PM20D2: variants seen among roughly 807,000 people sequenced by gnomAD.
PM20D2 encodes the protein peptidase M20 domain containing 2, also known as xaa-Arg dipeptidase.
Under a neutral mutation model 42.9 loss-of-function variants are expected in PM20D2, and 33 were observed. The ratio of observed to expected loss-of-function variants is 0.77; its 90% CI spans 0.58 to 1.03. PM20D2 has a LOEUF of 1.03. PM20D2 is among the 50% of genes least tolerant of loss of function. The pLI, the probability that PM20D2 is intolerant of heterozygous loss-of-function variation, is 0.00. For missense variants in PM20D2, 548 were observed against 557.0 expected, an observed-to-expected ratio of 0.98 and a Z score of 0.16; for synonymous variants, 250 against 228.2, an observed-to-expected ratio of 1.10 and a Z score of -0.86.
chr6:89,149,137 A>G, intron 1 of PM20D2, 128 bp from the exon 2 acceptor site: 1 of 1,185,962 alleles, frequency 8.4e-7, no homozygotes, highest in South Asian at 1.6e-5. Flanking sequence ...TAAGCGTCAT[A>G]GAACAAAACC....
the PM20D2 span, among the ~76,000 whole-genome samples, chr6:89,135,225 G>T: frequency 6.6e-6 from 1 of 151,138 alleles, no homozygotes; most frequent in Admixed American, 6.6e-5. Flanking sequence ...CATAATTTTT[G>T]ATCACCTCTT....
At position 89,163,467 on chromosome 6, in the gene PM20D2, A is replaced by G. The variant is rs2127783663; in HGVS notation, c.*1204A>G. On this transcript the variant is annotated 3_prime_UTR_variant, in exon 7 of 7. Transcript: ENST00000275072. The stretch of plus-strand genomic sequence containing the variant: ...AAAGTGTTGGGATTTCAGGTATGAG[A>G]CACCACACCTGCCCATTTTTGTTTG... 6.6e-6 allele frequency: 1 copy of G among 152,100 alleles called. No individual in the cohort carries two copies. Among genetic ancestry groups the G allele is most frequent in the African/African-American group, 2.4e-5 (1 of 41,480 alleles). The allele number at this position is 152,100 out of a possible 1,614,324, so 9.4% of individuals were successfully genotyped here. A position where few individuals can be genotyped will look rare whatever the true frequency, so the allele number is the denominator to read the frequency against.
At chr6:89,100,295 A>G in the PM20D2 span, among the ~76,000 whole-genome samples, 7 of 152,344 alleles carry the variant, frequency 4.6e-5, no homozygotes, top group Admixed American at 2.0e-4. Flanking sequence ...CAAAAGGTCA[A>G]TGAGGAACAT....
At chr6:89,110,985 G>T in the PM20D2 span, among the ~76,000 whole-genome samples, 1 of 152,038 alleles carries the variant, frequency 6.6e-6, no homozygotes, top group Non-Finnish European at 1.5e-5. Flanking sequence ...TGGGCGTGGT[G>T]TCTATAATCC....
At chr6:89,108,420 G>C in the PM20D2 span, among the ~76,000 whole-genome samples, 1 of 152,192 alleles carries the variant, frequency 6.6e-6, no homozygotes, top group Non-Finnish European at 1.5e-5. Flanking sequence ...AGGTGATACA[G>C]ACAGAGTAAC....
intron 2 of PM20D2, among the ~76,000 whole-genome samples, chr6:89,149,880 T>C (rs1256740527): frequency 2.0e-5 from 3 of 152,202 alleles, no homozygotes; most frequent in Non-Finnish European, 4.4e-5. Flanking sequence ...TAGCTATGGT[T>C]TTTGTGGAAC....
chr6:89,161,826 TCATC>T lies in PM20D2; in HGVS notation c.1096_1099del (p.Pro366IlefsTer9), dbSNP rs753639370. ...ATGTTAGTTTTGTGGTTCCTGGAAT[TCATC>T]CATATTTTCACATTGGATCTAATGC... On this transcript the variant is annotated frameshift_variant, in exon 6 of 7. Coordinates refer to ENST00000275072, the MANE Select transcript of PM20D2 (RefSeq NM_001010853.3). LOFTEE classifies it high-confidence loss of function. 6.2e-7 allele frequency: 1 copy of T among 1,613,780 alleles called. No individual in the cohort carries two copies. The highest frequency in any genetic ancestry group is 1.1e-5 in the South Asian group (1 of 91,072).
the PM20D2 span, among the ~76,000 whole-genome samples, chr6:89,128,976 T>G: frequency 6.6e-6 from 1 of 151,838 alleles, no homozygotes; most frequent in Admixed American, 6.6e-5. Context: ...AAGAAAGCAA[T>G]CAACAATATC....
chr6:89,128,231 A>C, the PM20D2 span, among the ~76,000 whole-genome samples: 1 of 152,126 alleles, frequency 6.6e-6, no homozygotes, highest in Non-Finnish European at 1.5e-5. Context: ...TAATATTAAT[A>C]CCCTTGGAAA....
At chr6:89,114,452 A>C in the PM20D2 span, among the ~76,000 whole-genome samples, 1 of 152,166 alleles carries the variant, frequency 6.6e-6, no homozygotes, top group Non-Finnish European at 1.5e-5. Flanking sequence ...AAACAAAAAA[A>C]CCACCATACA....
the PM20D2 span, among the ~76,000 whole-genome samples, chr6:89,103,614 A>T: frequency 1.3e-5 from 2 of 152,134 alleles, no homozygotes; most frequent in African/African-American, 4.8e-5. Flanking sequence ...TACAGGCGTA[A>T]GCCACTGCGC....
Position 89,162,429 on chromosome 6 carries a change from A to G in PM20D2, c.*166A>G. On this transcript the variant is annotated 3_prime_UTR_variant, in exon 7 of 7. Coordinates refer to ENST00000275072, the MANE Select transcript of PM20D2 (RefSeq NM_001010853.3). ...AACATATTAATTACCTCATATCTAA[A>G]GTGAAAATTTTTGCAAATCCGTACT... is the stretch of plus-strand genomic sequence containing the variant. 3 of 717,596 alleles carry G rather than the reference A, an allele frequency of 4.2e-6. No individual in the cohort carries two copies. Among genetic ancestry groups the G allele is most frequent in the Non-Finnish European group, 6.4e-6 (3 of 471,536 alleles). 44.5% of individuals were successfully genotyped at this position (717,596 alleles called of 1,614,324 possible).
the PM20D2 span, among the ~76,000 whole-genome samples, chr6:89,109,629 G>C: frequency 0.063 from 9,564 of 152,276 alleles, 873 homozygotes; most frequent in African/African-American, 0.2. Flanking sequence ...TGGAAGCCAA[G>C]GGTGATGGGA....
chr6:89,095,947 A>T, the PM20D2 span: 2 of 152,226 alleles, frequency 1.3e-5, no homozygotes, highest in Non-Finnish European at 2.9e-5. Context: ...AAAAGAACTG[A>T]TCACAGATGT....
intron 6 of PM20D2, 22 bp downstream of exon 6, chr6:89,161,912 T>C (rs773818520): frequency 1.3e-6 from 2 of 1,570,476 alleles, no homozygotes; most frequent in Admixed American, 3.3e-5. Flanking sequence ...TGGATGTGAC[T>C]GTTTTGGCAC....
At chr6:89,114,890 G>T in the PM20D2 span, among the ~76,000 whole-genome samples, 4 of 151,926 alleles carry the variant, frequency 2.6e-5, no homozygotes, top group South Asian at 2.1e-4. Context: ...TCCACCTCCC[G>T]GGTTCAAGCG....
chr6:89,130,819 C>CCTTTTTTTTTTTTTTTTTT, the PM20D2 span, among the ~76,000 whole-genome samples: 3 of 24,056 alleles, frequency 1.2e-4, no homozygotes, highest in African/African-American at 4.3e-4. Context: ...GCTTCTTCTT[C>CCTTTTTTTTTTTTTTTTTT]TTTTTTTTTT....
the PM20D2 span, among the ~76,000 whole-genome samples, chr6:89,110,923 C>T: frequency 6.6e-6 from 1 of 151,992 alleles, no homozygotes; most frequent in Non-Finnish European, 1.5e-5. Flanking sequence ...CAAGATCAGC[C>T]TGAGCAACAT....
chr6:89,129,995 CAG>C, the PM20D2 span, among the ~76,000 whole-genome samples: 1 of 152,036 alleles, frequency 6.6e-6, no homozygotes, highest in Admixed American at 6.5e-5. Context: ...CTTGGTCTCC[CAG>C]AGTGTCGGGA....
Sources: gnomAD v4.1 joint callset for allele counts (sites outside exome capture counted in the v4.1 genomes callset) on GRCh38, gnomAD v4.1.1 for gene constraint, MANE v1.5 for transcripts, NCBI Gene and HGNC (gene_info 2026-07-23, HGNC 2026-07-21) for gene names.